Variants in FOXP1 observed in about 807,000 individuals in gnomAD.
FOXP1 encodes forkhead box P1, also known as forkhead box protein P1.
FOXP1 carries 15 observed loss-of-function variants against 98.2 expected under a neutral mutation model. The observed-to-expected ratio is 0.15, with a 90% CI of 0.10 to 0.24. FOXP1 has a LOEUF of 0.24. Among genes scored for constraint, FOXP1 ranks in the 10% least tolerant of loss-of-function variants. The pLI is 1.00. For synonymous variants in FOXP1, 371 were observed against 314.5 expected (o/e 1.18, Z -1.90); for missense variants, 633 against 848.5 (o/e 0.75, Z 3.15).
chr3:71,094,218 T>A (rs1169414250), intron 7 of FOXP1, among the ~76,000 whole-genome samples: 1 of 151,856 alleles, frequency 6.6e-6, no homozygotes, highest in Non-Finnish European at 1.5e-5. Flanking sequence ...TGTATTCCAA[T>A]AAAGCTATAG....
intron 3 of FOXP1, among the ~76,000 whole-genome samples, chr3:71,434,633 T>TGTGG (rs1199861322): frequency 1.4e-5 from 2 of 140,704 alleles, no homozygotes; most frequent in Non-Finnish European, 3.1e-5. Flanking sequence ...GGGGATGGGG[T>TGTGG]GTGTGTGTGT....
chr3:71,535,260 A>G (rs1366536161), intron 2 of FOXP1, among the ~76,000 whole-genome samples: 3 of 152,172 alleles, frequency 2.0e-5, no homozygotes, highest in Admixed American at 1.3e-4. Flanking sequence ...CTCATATGCT[A>G]ACTTCAGAAC....
At chr3:71,551,172 G>A (rs769173684) in intron 2 of FOXP1, among the ~76,000 whole-genome samples, 25 of 152,122 alleles carry the variant, frequency 1.6e-4, no homozygotes, top group Admixed American at 7.9e-4. Context: ...AATGTTCAAA[G>A]GGGTAAATAC....
At chr3:70,996,493 A>G (rs1575986272) in intron 13 of FOXP1, among the ~76,000 whole-genome samples, 1 of 152,330 alleles carries the variant, frequency 6.6e-6, no homozygotes, top group Middle Eastern at 3.4e-3. Context: ...TCCAGCCACT[A>G]TCCCCTATGG....
At chr3:71,133,463 C>T (rs1575937331) in intron 6 of FOXP1, among the ~76,000 whole-genome samples, 1 of 152,184 alleles carries the variant, frequency 6.6e-6, no homozygotes, top group Admixed American at 6.5e-5. Context: ...CACCATAGAC[C>T]TTGAATCCTT....
At chr3:71,041,655 G>GT (rs1011979206) in intron 10 of FOXP1, 123 bp from the exon 11 acceptor site, 28 of 922,342 alleles carry the variant, frequency 3.0e-5, no homozygotes, top group East Asian at 5.2e-5. Flanking sequence ...GGTGTGTGCA[G>GT]TTTTTTTTCC....
intron 4 of FOXP1, among the ~76,000 whole-genome samples, chr3:71,350,648 T>C (rs1577087276): frequency 6.6e-6 from 1 of 152,152 alleles, no homozygotes; most frequent in East Asian, 1.9e-4. Flanking sequence ...GGAAATGTCA[T>C]TGAAGATGTC....
At chr3:71,275,583 G>A (rs1259316535) in intron 5 of FOXP1, among the ~76,000 whole-genome samples, 1 of 152,196 alleles carries the variant, frequency 6.6e-6, no homozygotes. Flanking sequence ...ACAAGCAGGT[G>A]TCTTTGATGG....
intron 3 of FOXP1, among the ~76,000 whole-genome samples, chr3:71,386,264 A>C (rs1351296088): frequency 2.0e-5 from 3 of 152,216 alleles, no homozygotes; most frequent in Non-Finnish European, 1.5e-5. Flanking sequence ...AGTTCTGACC[A>C]GAGACTCCTC....
chr3:71,108,215 G>A (rs1252908509), intron 7 of FOXP1, among the ~76,000 whole-genome samples: 3 of 152,180 alleles, frequency 2.0e-5, no homozygotes, highest in Admixed American at 1.3e-4. Context: ...TACTTTCTTA[G>A]GAGAAAATGT....
intron 11 of FOXP1, among the ~76,000 whole-genome samples, chr3:71,031,380 G>A (rs1230218197): frequency 6.6e-6 from 1 of 152,218 alleles, no homozygotes; most frequent in Non-Finnish European, 1.5e-5. Context: ...ATCAGCTACA[G>A]TTGCTATGGG....
chr3:71,582,124 G>C, intron 1 of FOXP1: 2 of 884,810 alleles, frequency 2.3e-6, no homozygotes, highest in Non-Finnish European at 2.7e-6. Flanking sequence ...TGGGAGGGGG[G>C]CATGCGACTT....
At chr3:71,350,921 A>G (rs3732734) in intron 4 of FOXP1, among the ~76,000 whole-genome samples, 63,761 of 151,904 alleles carry the variant, frequency 0.42, 15,528 homozygotes, top group East Asian at 0.74. Context: ...AGATGGACAC[A>G]TGACCCATCC....
rs1276736367 is a variant in FOXP1, at chr3:70,958,250, C to T, written c.*997G>A. The T allele has an allele frequency of 5.8e-6, 3 of 519,562 alleles. No individual in the cohort carries two copies. The Admixed American group carries it at 7.2e-5, about 12-fold the overall frequency. 32.2% of individuals were successfully genotyped at this position (519,562 alleles called of 1,614,324 possible). Reference sequence around the variant, plus strand: ...AAAGAAAATCCGAAACACCCCTCCCCCGAACCACCCCCAATACTGCTGCGT... The same window carrying T: ...AAAGAAAATCCGAAACACCCCTCCCTCGAACCACCCCCAATACTGCTGCGT... On this transcript the variant is annotated 3_prime_UTR_variant, in exon 21 of 21. Transcript: ENST00000649528.
At chr3:71,207,707 G>C (rs193231860) in intron 5 of FOXP1, among the ~76,000 whole-genome samples, 14 of 145,302 alleles carry the variant, frequency 9.6e-5, no homozygotes, top group Non-Finnish European at 1.8e-4. Context: ...GAAACACAAG[G>C]CAAATTCAGA....
intron 3 of FOXP1, among the ~76,000 whole-genome samples, chr3:71,403,748 G>A (rs2108225584): frequency 6.6e-6 from 1 of 152,302 alleles, no homozygotes; most frequent in South Asian, 2.1e-4. Flanking sequence ...CTACTTGGGA[G>A]GCTGAGGTGG....
chr3:71,517,491 AT>A (rs1188096887), intron 2 of FOXP1, among the ~76,000 whole-genome samples: 1 of 152,224 alleles, frequency 6.6e-6, no homozygotes, highest in Non-Finnish European at 1.5e-5. Flanking sequence ...GTCTATTATA[AT>A]AATTGTCAGT....
At chr3:70,986,303 AC>A (rs2039723979) in intron 14 of FOXP1, among the ~76,000 whole-genome samples, 1 of 152,144 alleles carries the variant, frequency 6.6e-6, no homozygotes, top group African/African-American at 2.4e-5. Flanking sequence ...CAAGCGCCCT[AC>A]GGGGTTTTGT....
intron 13 of FOXP1, 31 bp from the exon 14 acceptor site, chr3:70,988,108 C>T (rs776808767): frequency 2.5e-6 from 4 of 1,599,324 alleles, no homozygotes; most frequent in Non-Finnish European, 3.4e-6. Context: ...TGTTATTTCT[C>T]TGAATAAAGA....
Sources: gnomAD v4.1 joint callset for allele counts (sites outside exome capture counted in the v4.1 genomes callset) on GRCh38, gnomAD v4.1.1 for gene constraint, MANE v1.5 for transcripts, NCBI Gene and HGNC (gene_info 2026-07-23, HGNC 2026-07-21) for gene names.